The following NFATC1 variants were observed in gnomAD, a reference collection of about 807,000 sequenced individuals.
NFATC1 encodes the protein nuclear factor of activated T-cells, cytoplasmic 1.
Under a neutral mutation model 76.0 loss-of-function variants are expected in NFATC1, and 22 were observed. The observed-to-expected ratio is 0.29, with a 90% confidence interval of 0.21 to 0.41. NFATC1 has a LOEUF of 0.41. Ranked by LOEUF, NFATC1 falls within the 10% of genes least tolerant of loss-of-function variation. NFATC1 has a pLI of 1.00. For missense variants in NFATC1, 1,357 were observed against 1,337.7 expected, an observed-to-expected ratio of 1.01 and a Z score of -0.23; for synonymous variants, 704 against 613.1, an observed-to-expected ratio of 1.15 and a Z score of -2.19.
chr18:79,468,659 C>T (rs8087923), intron 8 of NFATC1: 30,918 of 152,196 alleles, frequency 0.2, 3,569 homozygotes, highest in East Asian at 0.37. Flanking sequence ...CCTAAGGAAG[C>T]CCTTGAATCC....
Position 79,451,065 on chromosome 18 carries a change from C to A in NFATC1, c.1701C>A (p.His567Gln), listed in dbSNP as rs141454060. ...NTRVRLVFRVHVPQPSGRTLS... is the reference protein window; with the variant it reads ...NTRVRLVFRVQVPQPSGRTLS... ...GGGTACGGCTGGTGTTCCGCGTTCA[C>A]GTCCCGCAACCCAGCGGCCGCACGC... is the stretch of plus-strand genomic sequence containing the variant. Residue 567 changes from histidine (H) to glutamine (Q), a missense_variant, in exon 5 of 10, where the codon CAC becomes CAA. Physicochemically the swap from His to Gln is conservative, Grantham distance 24. Transcript: ENST00000427363. 3 of 1,613,140 alleles carry A rather than the reference C, an allele frequency of 1.9e-6. No homozygotes were observed. The highest frequency in any genetic ancestry group is 1.7e-6 in the Non-Finnish European group (2 of 1,179,972).
chr18:79,466,475 C>T (rs911191128), intron 7 of NFATC1, among the ~76,000 whole-genome samples: 2 of 152,194 alleles, frequency 1.3e-5, no homozygotes, highest in African/African-American at 2.4e-5. Context: ...CCTGAGCACG[C>T]GGTTGGGGTC....
At chr18:79,396,876 CGCCG>C (rs1158256222) in intron 1 of NFATC1, among the ~76,000 whole-genome samples, 1 of 152,008 alleles carries the variant, frequency 6.6e-6, no homozygotes, top group Non-Finnish European at 1.5e-5. Context: ...GAGCCCGTCA[CGCCG>C]GCTCCTGGAC....
intron 8 of NFATC1, among the ~76,000 whole-genome samples, chr18:79,485,488 G>A (rs558166880): frequency 2.8e-4 from 42 of 152,364 alleles, no homozygotes; most frequent in African/African-American, 9.6e-4. Context: ...CACAGAAGCC[G>A]GCACAAAGGC....
intron 9 of NFATC1, among the ~76,000 whole-genome samples, chr18:79,520,933 G>A (rs2090530363): frequency 8.4e-6 from 1 of 119,126 alleles, no homozygotes; most frequent in Admixed American, 8.9e-5. Flanking sequence ...GTGTGTGGGA[G>A]GGAGCATCCA....
chr18:79,401,566 C>T (rs2085257983), intron 1 of NFATC1, among the ~76,000 whole-genome samples: 1 of 152,216 alleles, frequency 6.6e-6, no homozygotes, highest in African/African-American at 2.4e-5. Context: ...GTGGCCCTGG[C>T]GCCGCCTTCC....
intron 1 of NFATC1, among the ~76,000 whole-genome samples, chr18:79,401,206 C>G (rs1465055040): frequency 1.3e-5 from 2 of 150,904 alleles, no homozygotes; most frequent in African/African-American, 4.9e-5. Flanking sequence ...TCACCCCAGG[C>G]TGGTCACCGT....
At chr18:79,403,844 C>T (rs1009004703) in intron 1 of NFATC1, among the ~76,000 whole-genome samples, 3 of 152,182 alleles carry the variant, frequency 2.0e-5, no homozygotes, top group Non-Finnish European at 4.4e-5. Flanking sequence ...CGTGGCTGGT[C>T]GGGGGCTGTG....
At chr18:79,414,701 A>G (rs1234518074) in intron 2 of NFATC1, among the ~76,000 whole-genome samples, 1 of 152,178 alleles carries the variant, frequency 6.6e-6, no homozygotes, top group African/African-American at 2.4e-5. Context: ...GCCACCTGCT[A>G]TACCCCCTAA....
At chr18:79,422,675 T>C (rs2086139737) in intron 2 of NFATC1, 1 of 152,266 alleles carries the variant, frequency 6.6e-6, no homozygotes, top group South Asian at 2.1e-4. Context: ...GGCACTGAGA[T>C]CCCACAGGGA....
chr18:79,400,406 G>A, intron 1 of NFATC1: 1 of 1,493,630 alleles, frequency 6.7e-7, no homozygotes, highest in East Asian at 2.9e-5. Context: ...CGGGGCTGGA[G>A]GACCAGGAGT....
chr18:79,403,507 G>A (rs1320483852), intron 1 of NFATC1, among the ~76,000 whole-genome samples: 1 of 152,216 alleles, frequency 6.6e-6, no homozygotes, highest in Non-Finnish European at 1.5e-5. Context: ...GCTGGGAGGC[G>A]GGCGTGCCCT....
At position 79,451,856 on chromosome 18, in the gene NFATC1, G is replaced by A. The variant is rs1219577287; in HGVS notation, c.1903+40G>A. ...AGGGGCCATCTGCGGCCTGGGCTTCGGCGCTGGTGGGAACCGGTTCCCAGT... is the reference window on the plus strand; with the variant it reads ...AGGGGCCATCTGCGGCCTGGGCTTCAGCGCTGGTGGGAACCGGTTCCCAGT... On this transcript the variant is annotated intron_variant, in intron 6 of 9. Coordinates refer to ENST00000427363, the MANE Select transcript of NFATC1 (RefSeq NM_001278669.2). 14 of 1,572,410 alleles carry A rather than the reference G, an allele frequency of 8.9e-6. No homozygotes were observed. The South Asian group carries it at 1.7e-4, about 19-fold the overall frequency.
chr18:79,424,791 GACTCTCTGTGTCTGTCTGTC>G (rs1269347101), intron 2 of NFATC1, among the ~76,000 whole-genome samples: 154 of 114,514 alleles, frequency 1.3e-3, no homozygotes, highest in African/African-American at 4.8e-3. Context: ...CTCTGTCTCT[GACTCTCTGTGTCTGTCTGTC>G]TCTGTCTCTC....
chr18:79,478,224 C>T (rs2089153989), intron 8 of NFATC1, among the ~76,000 whole-genome samples: 1 of 150,204 alleles, frequency 6.7e-6, no homozygotes, highest in African/African-American at 2.5e-5. Context: ...GTGGGGCAGG[C>T]TTGTGCCTGC....
chr18:79,441,064 T>C (rs888412735), intron 3 of NFATC1, among the ~76,000 whole-genome samples: 2 of 152,124 alleles, frequency 1.3e-5, no homozygotes, highest in East Asian at 1.9e-4. Flanking sequence ...ACAGCACAGA[T>C]GGCCCCTGGG....
chr18:79,396,989 T>G (rs534886049), intron 1 of NFATC1, among the ~76,000 whole-genome samples: 1 of 152,306 alleles, frequency 6.6e-6, no homozygotes, highest in South Asian at 2.1e-4. Context: ...AGAAGATGTT[T>G]CAGGCAAGTT....
intron 9 of NFATC1, among the ~76,000 whole-genome samples, chr18:79,511,851 G>A (rs1416170756): frequency 2.0e-5 from 3 of 152,094 alleles, no homozygotes; most frequent in South Asian, 4.1e-4. Flanking sequence ...CTGCGGGTCC[G>A]GGACCTGCCT....
chr18:79,498,012 C>T (rs2089931891), intron 9 of NFATC1: 1 of 138,030 alleles, frequency 7.2e-6, no homozygotes, highest in Non-Finnish European at 1.5e-5. Flanking sequence ...GTCACATAAG[C>T]AACAACCAAG....
Sources: gnomAD v4.1 joint callset for allele counts (sites outside exome capture counted in the v4.1 genomes callset) on GRCh38, gnomAD v4.1.1 for gene constraint, MANE v1.5 for transcripts, NCBI Gene and HGNC (gene_info 2026-07-23, HGNC 2026-07-21) for gene names.